RHOA: variants seen among roughly 807,000 people sequenced by gnomAD.
The protein encoded by RHOA is transforming protein RhoA.
RHOA carries 3 observed loss-of-function variants against 17.5 expected under a neutral mutation model. The observed-to-expected ratio is 0.17, with a 90% confidence interval of 0.08 to 0.44. The LOEUF is 0.44. Among genes scored for constraint, RHOA ranks in the 20% least tolerant of loss-of-function variants. The pLI is 0.99. For missense variants in RHOA, 56 were observed against 242.3 expected, an observed-to-expected ratio of 0.23 and a Z score of 5.10; for synonymous variants, 98 against 88.4, an observed-to-expected ratio of 1.11 and a Z score of -0.61.
chr3:49,364,005 G>A (rs768991147), intron 3 of RHOA, among the ~76,000 whole-genome samples: 3 of 151,588 alleles, frequency 2.0e-5, no homozygotes, highest in East Asian at 1.9e-4. Flanking sequence ...CTATGATCAC[G>A]CTACTACTGC....
At chr3:49,371,668 T>C (rs868651656) in intron 2 of RHOA, among the ~76,000 whole-genome samples, 2 of 152,190 alleles carry the variant, frequency 1.3e-5, no homozygotes, top group South Asian at 2.1e-4. Context: ...GGCAGGCAGG[T>C]AGCCTGTAAT....
chr3:49,396,880 A>T (rs1439539307), intron 1 of RHOA, among the ~76,000 whole-genome samples: 2 of 152,134 alleles, frequency 1.3e-5, no homozygotes, highest in Non-Finnish European at 1.5e-5. Flanking sequence ...CTATAATCCC[A>T]GCACTTTGGG....
intron 1 of RHOA, 28 bp from the exon 2 acceptor site, chr3:49,375,619 G>A (rs368896528): frequency 8.1e-6 from 13 of 1,607,222 alleles, no homozygotes; most frequent in African/African-American, 1.3e-5. Context: ...GATATTACCT[G>A]CAATGCACAA....
At chr3:49,375,783 G>A (rs1490954393) in intron 1 of RHOA, among the ~76,000 whole-genome samples, 192 bp from the exon 2 acceptor site, 4 of 151,958 alleles carry the variant, frequency 2.6e-5, no homozygotes, top group Non-Finnish European at 5.9e-5. Flanking sequence ...TATACTTAAT[G>A]GTAAAAGACT....
chr3:49,408,145 T>A (rs1037809894), intron 1 of RHOA, among the ~76,000 whole-genome samples: 7 of 141,746 alleles, frequency 4.9e-5, no homozygotes, highest in African/African-American at 1.1e-4. Flanking sequence ...GACGACAGAG[T>A]GAGACTCAGT....
At chr3:49,368,625 A>T in intron 2 of RHOA, 77 bp from the exon 3 acceptor site, 1 of 1,522,656 alleles carries the variant, frequency 6.6e-7, no homozygotes, top group Non-Finnish European at 9.1e-7. Context: ...CACTTACCAT[A>T]GTACATTGAA....
intron 4 of RHOA, 94 bp downstream of exon 4, chr3:49,362,402 C>A: frequency 1.8e-5 from 25 of 1,380,268 alleles, no homozygotes; most frequent in Non-Finnish European, 2.4e-5. Context: ...CTAAAACAAC[C>A]TGGCCTGTGA....
intron 1 of RHOA, among the ~76,000 whole-genome samples, chr3:49,400,567 A>G (rs925944236): frequency 2.6e-5 from 4 of 152,066 alleles, no homozygotes; most frequent in African/African-American, 9.7e-5. Flanking sequence ...GGTACAGAGA[A>G]GACTGTATCA....
chr3:49,404,611 CAAAAAAAAAAAAAA>C (rs71080508), intron 1 of RHOA, among the ~76,000 whole-genome samples: 5 of 33,188 alleles, frequency 1.5e-4, no homozygotes, highest in African/African-American at 2.7e-4. Context: ...GACTCCGTCT[CAAAAAAAAAAAAAA>C]AAAAAAAAAA....
intron 1 of RHOA, among the ~76,000 whole-genome samples, chr3:49,401,957 G>T (rs1037652773): frequency 6.6e-6 from 1 of 152,152 alleles, no homozygotes; most frequent in Non-Finnish European, 1.5e-5. Context: ...TAGTTCAAGA[G>T]CTTTCCTTTC....
At chr3:49,394,917 G>A (rs1033193702) in intron 1 of RHOA, among the ~76,000 whole-genome samples, 6 of 152,068 alleles carry the variant, frequency 3.9e-5, no homozygotes, top group African/African-American at 1.4e-4. Flanking sequence ...TCTAAGGTGA[G>A]GAAACAGCTT....
chr3:49,381,332 G>C (rs1216580037), intron 1 of RHOA, among the ~76,000 whole-genome samples: 1 of 151,520 alleles, frequency 6.6e-6, no homozygotes, highest in African/African-American at 2.4e-5. Context: ...CTGAACTCAG[G>C]AGGCAGAGGC....
At chr3:49,368,690 T>A in intron 2 of RHOA, 142 bp from the exon 3 acceptor site, 1 of 826,494 alleles carries the variant, frequency 1.2e-6, no homozygotes, top group Non-Finnish European at 1.9e-6. Context: ...CAGGAGTATT[T>A]ACATTTTTTC....
intron 1 of RHOA, among the ~76,000 whole-genome samples, chr3:49,397,771 TTAGA>T (rs765624547): frequency 6.6e-5 from 10 of 151,968 alleles, no homozygotes; most frequent in Non-Finnish European, 8.8e-5. Flanking sequence ...AGGGCTGACC[TTAGA>T]TAGAACAATG....
intron 1 of RHOA, among the ~76,000 whole-genome samples, chr3:49,387,753 C>CA (rs36093993): frequency 0.29 from 40,417 of 139,510 alleles, 6,015 homozygotes; most frequent in Middle Eastern, 0.33. Context: ...AAAAAAAAAA[C>CA]AAAAAAAAAA....
intron 1 of RHOA, among the ~76,000 whole-genome samples, chr3:49,405,638 C>A (rs2048820649): frequency 6.6e-6 from 1 of 152,130 alleles, no homozygotes; most frequent in Non-Finnish European, 1.5e-5. Flanking sequence ...CAGTTTCTCT[C>A]CAGAATCCAT....
At position 49,369,006 on chromosome 3, in the gene RHOA, C is replaced by CTTT. The variant is rs1160140765; in HGVS notation, c.157-461_157-459dup. Among the ~76,000 whole-genome samples, 323 of 59,678 alleles carry CTTT rather than the reference C, an allele frequency of 5.4e-3. 18 individuals are homozygous for CTTT. The highest frequency in any genetic ancestry group is 0.014 in the Middle Eastern group (1 of 74). The allele number at this position is 59,678 out of a possible 152,430, so 39.2% of individuals were successfully genotyped here. A position where few individuals can be genotyped will look rare whatever the true frequency, so the allele number is the denominator to read the frequency against. ...GCAGGCGTGACCCACCGCGCCTGGC[C>CTTT]TTTTTTTTTTTTTTTTTTTTTTTTT... On this transcript the variant is annotated intron_variant, in intron 2 of 4. Transcript: ENST00000418115.
chr3:49,384,837 G>A (rs1474792083), intron 1 of RHOA, among the ~76,000 whole-genome samples: 3 of 152,098 alleles, frequency 2.0e-5, no homozygotes, highest in African/African-American at 7.2e-5. Flanking sequence ...CAGATGGGCA[G>A]ATCACTTGAG....
At chr3:49,374,143 G>A (rs771833003) in intron 2 of RHOA, among the ~76,000 whole-genome samples, 1 of 151,972 alleles carries the variant, frequency 6.6e-6, no homozygotes, top group Non-Finnish European at 1.5e-5. Flanking sequence ...AAGATCAGGA[G>A]ATCGAGACCA....
Sources: gnomAD v4.1 joint callset for allele counts (sites outside exome capture counted in the v4.1 genomes callset) on GRCh38, gnomAD v4.1.1 for gene constraint, MANE v1.5 for transcripts, NCBI Gene and HGNC (gene_info 2026-07-23, HGNC 2026-07-21) for gene names.